The following DPYS variants were observed in gnomAD, a reference collection of about 807,000 sequenced individuals.
The protein encoded by DPYS is dihydropyrimidinase.
In DPYS, 39 loss-of-function variants were observed where a neutral mutation model predicts 50.3. The ratio of observed to expected loss-of-function variants is 0.78; its 90% confidence interval spans 0.60 to 1.01. The LOEUF is 1.01. DPYS is among the 50% of genes least tolerant of loss of function. The probability of loss-of-function intolerance (pLI) is 0.00; values close to 1 mark genes in which losing one functional copy is unlikely to be tolerated. For missense variants in DPYS, 659 were observed against 680.9 expected (o/e 0.97, Z 0.36); for synonymous variants, 245 against 250.7 (o/e 0.98, Z 0.22).
chr8:104,406,987 T>C (rs979116748), intron 7 of DPYS, among the ~76,000 whole-genome samples: 8 of 152,332 alleles, frequency 5.3e-5, no homozygotes, highest in Admixed American at 1.3e-4. Context: ...TTTTCTTACA[T>C]TTACTAATAG....
chr8:104,390,280 C>CTTAGA (rs142138681), intron 8 of DPYS, among the ~76,000 whole-genome samples: 53,137 of 151,686 alleles, frequency 0.35, 12,151 homozygotes, highest in African/African-American at 0.65. Context: ...GTGCCTCCAA[C>CTTAGA]TTAATTTTTT....
At chr8:104,449,237 A>G (rs1261645787) in intron 2 of DPYS, among the ~76,000 whole-genome samples, 1 of 152,174 alleles carries the variant, frequency 6.6e-6, no homozygotes, top group Non-Finnish European at 1.5e-5. Flanking sequence ...AGAAAAAAAA[A>G]TGCTTGAAAC....
chr8:104,395,616 T>C (rs767535422), intron 7 of DPYS, among the ~76,000 whole-genome samples: 5 of 152,216 alleles, frequency 3.3e-5, no homozygotes, highest in Non-Finnish European at 5.9e-5. Flanking sequence ...TCCAATTTGT[T>C]TTGTGTATCA....
chr8:104,463,655 C>T (rs1384224077), intron 1 of DPYS, among the ~76,000 whole-genome samples: 1 of 152,104 alleles, frequency 6.6e-6, no homozygotes, highest in Non-Finnish European at 1.5e-5. Context: ...GAAGATAATG[C>T]ACAACTTAGG....
At chr8:104,392,507 C>T (rs1811422093) in intron 8 of DPYS, among the ~76,000 whole-genome samples, 1 of 152,160 alleles carries the variant, frequency 6.6e-6, no homozygotes, top group Non-Finnish European at 1.5e-5. Context: ...TTGGAGGACC[C>T]TGACTAACAC....
chr8:104,456,780 T>C (rs1813940496), intron 1 of DPYS, among the ~76,000 whole-genome samples: 1 of 152,246 alleles, frequency 6.6e-6, no homozygotes, highest in African/African-American at 2.4e-5. Flanking sequence ...ACTTTCACTG[T>C]TCTTCCTTGT....
intron 8 of DPYS, among the ~76,000 whole-genome samples, chr8:104,389,035 A>G (rs1259173487): frequency 6.6e-6 from 1 of 152,206 alleles, no homozygotes. Context: ...GATGCCACCT[A>G]TGTACCAAGT....
At chr8:104,429,353 G>A in intron 5 of DPYS, 192 bp downstream of exon 5, 2 of 633,186 alleles carry the variant, frequency 3.2e-6, no homozygotes, top group Non-Finnish European at 5.4e-6. Context: ...TCTAGGAAAG[G>A]CTTTGACAAC....
At chr8:104,444,583 A>T in intron 3 of DPYS, 146 bp from the exon 4 acceptor site, 1 of 739,188 alleles carries the variant, frequency 1.4e-6, no homozygotes. Context: ...TGTGTATATG[A>T]ACATATTTGT....
intron 4 of DPYS, among the ~76,000 whole-genome samples, chr8:104,430,275 C>T (rs1812908318): frequency 6.6e-6 from 1 of 151,468 alleles, no homozygotes; most frequent in Non-Finnish European, 1.5e-5. Context: ...AAGAACTCCT[C>T]AAAAAACGTG....
At chr8:104,385,016 G>C (rs1163274098) in intron 8 of DPYS, among the ~76,000 whole-genome samples, 1 of 152,070 alleles carries the variant, frequency 6.6e-6, no homozygotes, top group Non-Finnish European at 1.5e-5. Context: ...TAGTTTCCTT[G>C]GTGACCTTAA....
chr8:104,442,135 A>G lies in DPYS; in HGVS notation c.793+2113T>C, dbSNP rs148966587. Among the ~76,000 whole-genome samples the G allele has an allele frequency of 1.6e-3, 241 of 152,340 alleles. 2 individuals are homozygous for G. The highest frequency in any genetic ancestry group is 3.1e-4 in the Non-Finnish European group (21 of 68,034). Reference sequence around the variant, plus strand: ...AACTTCATTGAACATTTTTATATATAATTTTGACTCTTGGGCCATGTAAAT... The same window carrying G: ...AACTTCATTGAACATTTTTATATATGATTTTGACTCTTGGGCCATGTAAAT... On this transcript the variant is annotated intron_variant, in intron 4 of 9. Transcript: ENST00000351513.
intron 7 of DPYS, among the ~76,000 whole-genome samples, chr8:104,421,730 AAGTT>A (rs1237216533): frequency 6.6e-6 from 1 of 152,214 alleles, no homozygotes; most frequent in Non-Finnish European, 1.5e-5. Flanking sequence ...GTTTGACCTT[AAGTT>A]AGTTATTCTT....
chr8:104,405,031 GA>G (rs946309255), intron 7 of DPYS, among the ~76,000 whole-genome samples: 1 of 144,516 alleles, frequency 6.9e-6, no homozygotes, highest in Non-Finnish European at 1.5e-5. Flanking sequence ...CCACAAATAA[GA>G]AAAAAAAACG....
chr8:104,383,084 C>G (rs1314661577), intron 8 of DPYS, among the ~76,000 whole-genome samples: 1 of 152,194 alleles, frequency 6.6e-6, no homozygotes, highest in Non-Finnish European at 1.5e-5. Flanking sequence ...CCTCCTCACT[C>G]AGAACAGGGC....
At chr8:104,453,047 C>T (rs1253214097) in intron 1 of DPYS, among the ~76,000 whole-genome samples, 1 of 152,114 alleles carries the variant, frequency 6.6e-6, no homozygotes. Context: ...ACCACCCTCC[C>T]CCAACAGCTT....
At chr8:104,459,931 TG>T (rs2140767925) in intron 1 of DPYS, among the ~76,000 whole-genome samples, 1 of 152,334 alleles carries the variant, frequency 6.6e-6, no homozygotes, top group Non-Finnish European at 1.5e-5. Context: ...GTTGTTTTTT[TG>T]TAAGTGCCTG....
intron 8 of DPYS, among the ~76,000 whole-genome samples, chr8:104,381,789 T>C (rs976228137): frequency 3.3e-5 from 5 of 151,862 alleles, no homozygotes; most frequent in African/African-American, 1.2e-4. Flanking sequence ...GGTGACCGAC[T>C]ATGCAGCAGA....
intron 7 of DPYS, among the ~76,000 whole-genome samples, chr8:104,402,773 C>T (rs2140548943): frequency 6.6e-6 from 1 of 152,278 alleles, no homozygotes; most frequent in South Asian, 2.1e-4. Context: ...AATTAAGAGA[C>T]AGGACTAGCT....
Sources: gnomAD v4.1 joint callset for allele counts (sites outside exome capture counted in the v4.1 genomes callset) on GRCh38, gnomAD v4.1.1 for gene constraint, MANE v1.5 for transcripts, NCBI Gene and HGNC (gene_info 2026-07-23, HGNC 2026-07-21) for gene names.